TP73: variants seen among roughly 807,000 people sequenced by gnomAD.
TP73 encodes p53-like transcription factor.
TP73 carries 25 observed loss-of-function variants against 62.5 expected under a neutral mutation model. That is an observed-to-expected ratio of 0.40 (90% CI 0.29 to 0.56). TP73 has a LOEUF of 0.56. Ranked by LOEUF, TP73 falls within the 20% of genes least tolerant of loss-of-function variation. TP73 has a pLI of 0.46. For synonymous variants in TP73, 423 were observed against 377.5 expected, an observed-to-expected ratio of 1.12 and a Z score of -1.40; for missense variants, 754 against 913.3, an observed-to-expected ratio of 0.83 and a Z score of 2.25.
At chr1:3,682,264 C>A in intron 1 of TP73, 69 bp from the exon 2 acceptor site, 1 of 1,222,950 alleles carries the variant, frequency 8.2e-7, no homozygotes, top group Non-Finnish European at 1.1e-6. Flanking sequence ...CCGCCCCCAC[C>A]GAGGCTGTCA....
intron 5 of TP73, among the ~76,000 whole-genome samples, chr1:3,722,639 G>A (rs1641161769): frequency 6.6e-6 from 1 of 152,244 alleles, no homozygotes; most frequent in Non-Finnish European, 1.5e-5. Flanking sequence ...GGTGGTCTCA[G>A]TTCTGCTGCG....
At chr1:3,707,364 G>A (rs936906512) in intron 3 of TP73, among the ~76,000 whole-genome samples, 185 bp from the exon 4 acceptor site, 4 of 152,186 alleles carry the variant, frequency 2.6e-5, no homozygotes, top group African/African-American at 9.7e-5. Context: ...GGAGGGCGAG[G>A]TGAATATGTC....
At chr1:3,667,281 C>T (rs1020200622) in intron 1 of TP73, among the ~76,000 whole-genome samples, 2 of 152,206 alleles carry the variant, frequency 1.3e-5, no homozygotes, top group African/African-American at 4.8e-5. Flanking sequence ...CAGCCCTGCC[C>T]GCAGTTTGGC....
At chr1:3,682,674 A>G (rs1039551651) in intron 2 of TP73, among the ~76,000 whole-genome samples, 6 of 152,136 alleles carry the variant, frequency 3.9e-5, no homozygotes, top group African/African-American at 1.4e-4. Context: ...GTGGCTCCAC[A>G]CTAGTCTTGG....
chr1:3,702,921 T>C (rs1178306331), intron 3 of TP73, among the ~76,000 whole-genome samples: 1 of 152,174 alleles, frequency 6.6e-6, no homozygotes, highest in Non-Finnish European at 1.5e-5. Context: ...TGTGCAGGCC[T>C]GTGTTAGGTT....
chr1:3,683,007 G>T, intron 2 of TP73, 53 bp from the exon 3 acceptor site: 2 of 1,567,136 alleles, frequency 1.3e-6, no homozygotes, highest in South Asian at 1.2e-5. Flanking sequence ...GGAGGTATTG[G>T]GGTGACACCC....
intron 3 of TP73, chr1:3,698,048 T>C: frequency 1.0e-6 from 1 of 984,934 alleles, no homozygotes; most frequent in Non-Finnish European, 1.2e-6. Context: ...CAGCCACTAA[T>C]GTGTGCTGGA....
intron 3 of TP73, among the ~76,000 whole-genome samples, chr1:3,698,724 A>C (rs1043011539): frequency 2.0e-5 from 3 of 152,058 alleles, no homozygotes; most frequent in Non-Finnish European, 2.9e-5. Context: ...GGGCGGCTCA[A>C]ATGTGGGTCC....
rs1570396672 is a variant in TP73, at chr1:3,672,541, C to T, written c.-33-9792C>T. On this transcript the variant is annotated intron_variant, in intron 1 of 13. Transcript: ENST00000378295. The surrounding 1 kb of genome is among the most constrained non-coding windows in gnomAD (Gnocchi z 5.3). ...ACTCATCACCTGTGAACACAGGTATCGACTCAGACACCCACTCTGGCCATA... is the reference window on the plus strand; with the variant it reads ...ACTCATCACCTGTGAACACAGGTATTGACTCAGACACCCACTCTGGCCATA... Among the ~76,000 whole-genome samples, 2 of 152,034 alleles carry T rather than the reference C, an allele frequency of 1.3e-5. No homozygotes were observed. Among genetic ancestry groups the T allele is most frequent in the Non-Finnish European group, 2.9e-5 (2 of 67,972 alleles).
intron 4 of TP73, 110 bp from the exon 5 acceptor site, chr1:3,721,911 G>T: frequency 8.7e-7 from 1 of 1,155,622 alleles, no homozygotes. Context: ...TTCATCTGGG[G>T]GTTGTGGAAG....
rs1645110288 is a variant in TP73, at chr1:3,666,175, A to C, written c.-34+13534A>C. On this transcript the variant is annotated intron_variant, in intron 1 of 13. Coordinates refer to ENST00000378295, the MANE Select transcript of TP73 (RefSeq NM_005427.4). The surrounding 1 kb of genome is among the most constrained non-coding windows in gnomAD (Gnocchi z 6.4). ...AAGAGAGAGAGAGAGAGAGAATCTC[A>C]CTCTGCAGCCTAGGCTGGTGTGCAG... Among the ~76,000 whole-genome samples, 1 of 144,594 alleles carries C rather than the reference A, an allele frequency of 6.9e-6. No individual in the cohort carries two copies. The highest frequency in any genetic ancestry group is 1.5e-5 in the Non-Finnish European group (1 of 66,912). 94.9% of individuals were successfully genotyped at this position (144,594 alleles called of 152,430 possible).
At chr1:3,702,777 C>T (rs1391719973) in intron 3 of TP73, among the ~76,000 whole-genome samples, 1 of 152,224 alleles carries the variant, frequency 6.6e-6, no homozygotes, top group Admixed American at 6.5e-5. Context: ...CGCCGCGGGC[C>T]GGGCGTGTCC....
intron 1 of TP73, among the ~76,000 whole-genome samples, chr1:3,682,035 C>T (rs1156701101): frequency 1.3e-5 from 2 of 152,248 alleles, no homozygotes; most frequent in Non-Finnish European, 1.5e-5. Context: ...CTGTCACCCC[C>T]TCTTCCAAGG....
At chr1:3,676,832 C>G (rs1455658780) in intron 1 of TP73, among the ~76,000 whole-genome samples, 4 of 151,924 alleles carry the variant, frequency 2.6e-5, no homozygotes, top group Non-Finnish European at 5.9e-5. Flanking sequence ...AGCACCCCCT[C>G]TCCGCCACGG....
chr1:3,728,030 G>C (rs963825061), intron 8 of TP73, 99 bp from the exon 9 acceptor site: 1 of 1,328,930 alleles, frequency 7.5e-7, no homozygotes, highest in African/African-American at 1.5e-5. Context: ...CTGGAGAATC[G>C]ATTGGCCCCA....
chr1:3,707,301 A>T (rs1639740832), intron 3 of TP73, among the ~76,000 whole-genome samples: 1 of 152,156 alleles, frequency 6.6e-6, no homozygotes, highest in Admixed American at 6.5e-5. Context: ...ATTCCGCCTC[A>T]TCAACGGCTG....
rs1639925826 is a variant in TP73, at chr1:3,709,160, C to T, written c.429+1369C>T. On this transcript the variant is annotated intron_variant, in intron 4 of 13. Transcript: ENST00000378295. ...GGGTTCCAGGCCCCGCCCGCCCCCA[C>T]CTGCGGTTGTTTCTGATTCTCACTC... 2.6e-5 allele frequency among the ~76,000 whole-genome samples: 4 copies of T among 152,198 alleles called. No individual in the cohort carries two copies. In the South Asian group the frequency reaches 8.3e-4, roughly 32 times the overall value.
chr1:3,723,129 A>C (rs1304559118), intron 5 of TP73, among the ~76,000 whole-genome samples: 1 of 140,456 alleles, frequency 7.1e-6, no homozygotes, highest in African/African-American at 2.7e-5. Context: ...TGCAGGTGGC[A>C]CAGAGCTGGG....
chr1:3,719,352 G>C (rs1452379127), intron 4 of TP73, among the ~76,000 whole-genome samples: 3 of 152,230 alleles, frequency 2.0e-5, no homozygotes, highest in African/African-American at 7.2e-5. Context: ...TCGCCCTGCA[G>C]GCTGCCCTGG....
Sources: allele counts gnomAD v4.1 joint callset (sites outside exome capture counted in the v4.1 genomes callset), GRCh38; gene constraint gnomAD v4.1.1; non-coding constraint Gnocchi (gnomAD v3.1); transcripts MANE v1.5; gene names NCBI Gene and HGNC (gene_info 2026-07-23, HGNC 2026-07-21).